The following LRMDA variants were observed in gnomAD, a reference collection of about 807,000 sequenced individuals.
LRMDA encodes the protein leucine rich melanocyte differentiation associated.
In LRMDA, 18 loss-of-function variants were observed where a neutral mutation model predicts 29.8. That is an observed-to-expected ratio of 0.60 (90% CI 0.42 to 0.90). The LOEUF (loss-of-function observed/expected upper bound fraction) is 0.90, where lower values mean the gene tolerates loss of function less well. Among genes scored for constraint, LRMDA ranks in the 40% least tolerant of loss-of-function variants. LRMDA has a pLI of 0.00. For synonymous variants in LRMDA, 125 were observed against 109.4 expected, an observed-to-expected ratio of 1.14 and a Z score of -0.89; for missense variants, 273 against 273.9, an observed-to-expected ratio of 1.00 and a Z score of 0.02.
chr10:75,765,376 C>T (rs1843150117), intron 2 of LRMDA, among the ~76,000 whole-genome samples: 1 of 152,152 alleles, frequency 6.6e-6, no homozygotes, highest in Non-Finnish European at 1.5e-5. Flanking sequence ...GGCAGCTCAG[C>T]AGCTGGCTCT....
intron 2 of LRMDA, among the ~76,000 whole-genome samples, chr10:75,614,099 A>G (rs914291370): frequency 2.6e-5 from 4 of 152,166 alleles, no homozygotes; most frequent in Non-Finnish European, 5.9e-5. Flanking sequence ...GTTATTTTAC[A>G]TGCCATTTTC....
chr10:76,028,963 C>G (rs528899848), intron 2 of LRMDA, among the ~76,000 whole-genome samples: 1 of 151,920 alleles, frequency 6.6e-6, no homozygotes, highest in Non-Finnish European at 1.5e-5. Flanking sequence ...ACTACAGGCA[C>G]GTGCCACCAC....
chr10:75,786,082 A>T (rs1843468037), intron 2 of LRMDA, among the ~76,000 whole-genome samples: 1 of 152,220 alleles, frequency 6.6e-6, no homozygotes, highest in Non-Finnish European at 1.5e-5. Context: ...ACTGCATGCG[A>T]TATGCTGGAA....
At chr10:76,374,720 G>A (rs1175445521) in intron 6 of LRMDA, among the ~76,000 whole-genome samples, 3 of 152,136 alleles carry the variant, frequency 2.0e-5, no homozygotes, top group Admixed American at 6.5e-5. Context: ...AAGTGCCCTA[G>A]GCATGAACAG....
In LRMDA at chr10:75,806,809, CA is replaced by C. The variant is rs56657815; in HGVS notation, c.132-229181del. ...GATTTATTTTAAACACTGGAAATTG[CA>C]AAAAAAAAAAAAAAAAACCACACAC... On this transcript the variant is annotated intron_variant, in intron 2 of 6. Coordinates refer to ENST00000611255, the MANE Select transcript of LRMDA (RefSeq NM_001305581.2). Among the ~76,000 whole-genome samples the C allele has an allele frequency of 8.4e-3, 651 of 77,264 alleles. 5 individuals are homozygous for C. Among genetic ancestry groups the C allele is most frequent in the East Asian group, 0.038 (95 of 2,470 alleles). 50.7% of individuals were successfully genotyped at this position (77,264 alleles called of 152,430 possible).
chr10:76,024,988 T>C (rs1433056829), intron 2 of LRMDA, among the ~76,000 whole-genome samples: 1 of 152,200 alleles, frequency 6.6e-6, no homozygotes, highest in Non-Finnish European at 1.5e-5. Flanking sequence ...CGGTACACCG[T>C]GTCCACTCTC....
chr10:75,560,049 G>A (rs1840270736), intron 2 of LRMDA, among the ~76,000 whole-genome samples: 1 of 151,394 alleles, frequency 6.6e-6, no homozygotes, highest in Non-Finnish European at 1.5e-5. Context: ...CTTTAAAGTA[G>A]TTTTTTCCAA....
chr10:76,253,034 G>C (rs557887294), intron 5 of LRMDA, among the ~76,000 whole-genome samples: 1 of 152,312 alleles, frequency 6.6e-6, no homozygotes, highest in Admixed American at 6.5e-5. Context: ...GGCATCTGCC[G>C]TGTGTTATTG....
intron 5 of LRMDA, among the ~76,000 whole-genome samples, chr10:76,247,417 T>C (rs1437159165): frequency 6.6e-6 from 1 of 152,134 alleles, no homozygotes; most frequent in East Asian, 1.9e-4. Flanking sequence ...TGAAGGGGAC[T>C]GAGCAAGCCA....
intron 2 of LRMDA, among the ~76,000 whole-genome samples, chr10:75,632,658 C>T (rs548293048): frequency 8.6e-5 from 13 of 151,726 alleles, no homozygotes; most frequent in Admixed American, 3.3e-4. Context: ...TGATATGTGC[C>T]TTGTGGAGAG....
chr10:76,304,769 G>A (rs373927313), intron 5 of LRMDA, among the ~76,000 whole-genome samples: 41 of 152,324 alleles, frequency 2.7e-4, no homozygotes, highest in African/African-American at 9.6e-4. Flanking sequence ...CTAGTAGGGG[G>A]ACAACTCAGG....
chr10:76,073,094 T>C (rs1462444173), intron 5 of LRMDA, among the ~76,000 whole-genome samples: 1 of 152,220 alleles, frequency 6.6e-6, no homozygotes, highest in Non-Finnish European at 1.5e-5. Context: ...TACATTATAT[T>C]TGAGCCTAGA....
chr10:75,447,742 C>T (rs2132028765), intron 2 of LRMDA, among the ~76,000 whole-genome samples: 1 of 152,134 alleles, frequency 6.6e-6, no homozygotes, highest in East Asian at 1.9e-4. Flanking sequence ...AAAAAATACA[C>T]ATAATTAGCT....
chr10:75,725,632 G>A (rs1842622582), intron 2 of LRMDA, among the ~76,000 whole-genome samples: 1 of 152,182 alleles, frequency 6.6e-6, no homozygotes, highest in Non-Finnish European at 1.5e-5. Context: ...GCTGCTTTCA[G>A]GGGAGGTAAT....
chr10:76,260,268 T>G (rs938443707), intron 5 of LRMDA, among the ~76,000 whole-genome samples: 1 of 152,188 alleles, frequency 6.6e-6, no homozygotes, highest in Admixed American at 6.5e-5. Context: ...CCTTGTGTAT[T>G]GTCCCTACCA....
In LRMDA at chr10:75,983,130, T is replaced by G. The variant is rs574852673; in HGVS notation, c.132-52878T>G. Reference sequence around the variant, plus strand: ...CTTGAAGGCAGGGGGGAGCTCGGGTTGTAGTAAACAATCCTAGATGTGAGT... The same window carrying G: ...CTTGAAGGCAGGGGGGAGCTCGGGTGGTAGTAAACAATCCTAGATGTGAGT... On this transcript the variant is annotated intron_variant, in intron 2 of 6. Transcript: ENST00000611255. Among the ~76,000 whole-genome samples the G allele has an allele frequency of 2.6e-5, 4 of 152,244 alleles. No individual in the cohort carries two copies. In the South Asian group the frequency reaches 8.3e-4, roughly 32 times the overall value.
At chr10:76,146,585 C>A (rs1850326860) in intron 5 of LRMDA, among the ~76,000 whole-genome samples, 1 of 152,154 alleles carries the variant, frequency 6.6e-6, no homozygotes, top group Non-Finnish European at 1.5e-5. Flanking sequence ...CTATATGTCT[C>A]TGCACGTGAG....
intron 6 of LRMDA, among the ~76,000 whole-genome samples, chr10:76,325,118 T>C (rs1027244870): frequency 5.3e-5 from 8 of 152,190 alleles, no homozygotes; most frequent in African/African-American, 1.9e-4. Context: ...TTAAATATTG[T>C]TTCCCCAAGA....
At chr10:76,033,715 T>G (rs1180496595) in intron 2 of LRMDA, among the ~76,000 whole-genome samples, 1 of 152,136 alleles carries the variant, frequency 6.6e-6, no homozygotes, top group Admixed American at 6.5e-5. Context: ...AAGGAATTAT[T>G]AACCACCCGT....
Sources: gnomAD v4.1 joint callset for allele counts (sites outside exome capture counted in the v4.1 genomes callset) on GRCh38, gnomAD v4.1.1 for gene constraint, MANE v1.5 for transcripts, NCBI Gene and HGNC (gene_info 2026-07-23, HGNC 2026-07-21) for gene names.